ABR: variants seen among roughly 807,000 people sequenced by gnomAD.
The protein encoded by ABR is active breakpoint cluster region-related protein.
Under a neutral mutation model 107.2 loss-of-function variants are expected in ABR, and 35 were observed. That is an observed-to-expected ratio of 0.33 (90% CI 0.25 to 0.43). ABR has a LOEUF of 0.43. Ranked by LOEUF, ABR falls within the 20% of genes least tolerant of loss-of-function variation. The pLI is 1.00. For missense variants in ABR, 815 were observed against 1,115.2 expected, an observed-to-expected ratio of 0.73 and a Z score of 3.83; for synonymous variants, 498 against 462.0, an observed-to-expected ratio of 1.08 and a Z score of -1.00.
rs1018205208 is a variant in ABR, at chr17:1,050,685, G to A, written c.1562-51C>T. ...ACTGAGTGAGTGGGGCCAGGGTGGGGCAGCTGGGGCGGCACTCAGGATGGA... is the reference window on the plus strand; with the variant it reads ...ACTGAGTGAGTGGGGCCAGGGTGGGACAGCTGGGGCGGCACTCAGGATGGA... On this transcript the variant is annotated intron_variant, in intron 14 of 22. Transcript: ENST00000302538. The surrounding 1 kb of genome is among the most constrained non-coding windows in gnomAD (Gnocchi z 4.6). 1.3e-6 allele frequency: 2 copies of A among 1,487,718 alleles called. No homozygotes were observed. Among genetic ancestry groups the A allele is most frequent in the East Asian group, 2.3e-5 (1 of 44,036 alleles). 92.2% of individuals were successfully genotyped at this position (1,487,718 alleles called of 1,614,324 possible). A position where few individuals can be genotyped will look rare whatever the true frequency, so the allele number is the denominator to read the frequency against.
chr17:1,177,777 TGCAA>T (rs1293725404), intron 1 of ABR: 1 of 152,312 alleles, frequency 6.6e-6, no homozygotes, highest in East Asian at 1.9e-4. Context: ...GACGGCTGTT[TGCAA>T]GCACACAGCT....
Position 1,157,297 on chromosome 17 carries a change from C to G in ABR, c.61+22370G>C, listed in dbSNP as rs996186692. Among the ~76,000 whole-genome samples the G allele has an allele frequency of 6.7e-6, 1 of 148,692 alleles. No individual in the cohort carries two copies. Among genetic ancestry groups the G allele is most frequent in the African/African-American group, 2.5e-5 (1 of 40,146 alleles). On this transcript the variant is annotated intron_variant, in intron 1 of 22. Coordinates refer to ENST00000302538, the MANE Select transcript of ABR (RefSeq NM_021962.5). The surrounding 1 kb of genome is among the most constrained non-coding windows in gnomAD (Gnocchi z 4.7). ...ATGAAGTCTCACTCTGTCGCCCAGG[C>G]TGGAGTGCAAAGGTGCAACCTTAGC...
At chr17:1,111,524 T>C (rs61320926) in intron 2 of ABR, among the ~76,000 whole-genome samples, 2,632 of 152,240 alleles carry the variant, frequency 0.017, 88 homozygotes, top group African/African-American at 0.059. Flanking sequence ...TGGCTCCTAA[T>C]GTTCTCCATA....
At chr17:1,202,543 T>C (rs1351910471) in intron 1 of ABR, among the ~76,000 whole-genome samples, 1 of 152,118 alleles carries the variant, frequency 6.6e-6, no homozygotes, top group African/African-American at 2.4e-5. Flanking sequence ...GTATTTCCCC[T>C]ATGGACAAAG....
chr17:1,020,697 G>A (rs2071557077), intron 16 of ABR, among the ~76,000 whole-genome samples: 1 of 152,206 alleles, frequency 6.6e-6, no homozygotes, highest in African/African-American at 2.4e-5. Context: ...TGGCCCCGCA[G>A]CGGGGAGAGG....
chr17:1,192,321 G>A (rs1238731924), upstream of ABR, among the ~76,000 whole-genome samples: 1 of 152,108 alleles, frequency 6.6e-6, no homozygotes, highest in Non-Finnish European at 1.5e-5. Context: ...GAGCCCTACT[G>A]TATAAACCAG....
chr17:1,104,036 G>A (rs2038085056), intron 2 of ABR, among the ~76,000 whole-genome samples: 1 of 150,490 alleles, frequency 6.6e-6, no homozygotes, highest in Non-Finnish European at 1.5e-5. Context: ...CTGGGAATAC[G>A]AAGGTGAAGG....
At chr17:1,055,901 G>A (rs1346251658) in intron 14 of ABR, 134 bp downstream of exon 14, 5 of 794,258 alleles carry the variant, frequency 6.3e-6, no homozygotes, top group East Asian at 2.7e-5. Flanking sequence ...TGACCTCCCT[G>A]CCAAGAGGAG....
chr17:1,125,928 C>T (rs2039580050), intron 1 of ABR, among the ~76,000 whole-genome samples: 1 of 152,300 alleles, frequency 6.6e-6, no homozygotes, highest in Non-Finnish European at 1.5e-5. Context: ...GAGCCCAAGG[C>T]AGCAGGGCGT....
intron 2 of ABR, among the ~76,000 whole-genome samples, chr17:1,106,973 GTGTT>G (rs1452752058): frequency 2.6e-5 from 4 of 152,240 alleles, no homozygotes; most frequent in African/African-American, 4.8e-5. Flanking sequence ...TAACCTGAGA[GTGTT>G]TGTTGAATGA....
At chr17:1,058,545 G>A (rs987226204) in intron 11 of ABR, among the ~76,000 whole-genome samples, 200 bp downstream of exon 11, 13 of 152,158 alleles carry the variant, frequency 8.5e-5, no homozygotes, top group Admixed American at 3.3e-4. Context: ...TGACAGGAGC[G>A]GCTGTGCCAG....
intron 16 of ABR, among the ~76,000 whole-genome samples, chr17:1,015,250 C>A (rs1370865153): frequency 2.6e-5 from 4 of 151,638 alleles, no homozygotes; most frequent in African/African-American, 9.7e-5. Context: ...AACCCTGTCT[C>A]TACTAAAAAT....
chr17:1,224,178 C>T, intron 1 of ABR, among the ~76,000 whole-genome samples: 1 of 152,084 alleles, frequency 6.6e-6, no homozygotes, highest in East Asian at 1.9e-4. Context: ...CACCACCCAA[C>T]ACAGCTGATC....
intron 1 of ABR, among the ~76,000 whole-genome samples, chr17:1,227,146 G>A (rs1038178837): frequency 2.6e-5 from 4 of 152,188 alleles, no homozygotes; most frequent in African/African-American, 9.7e-5. Flanking sequence ...AGCATCTTTT[G>A]CAATTCCCAG....
At chr17:1,077,291 T>G (rs1293222728) in intron 6 of ABR, among the ~76,000 whole-genome samples, 1 of 152,118 alleles carries the variant, frequency 6.6e-6, no homozygotes, top group African/African-American at 2.4e-5. Context: ...ATTCCCCACT[T>G]TGAAGCCGAC....
At chr17:1,130,061 C>T (rs944182260) in intron 1 of ABR, among the ~76,000 whole-genome samples, 1 of 152,168 alleles carries the variant, frequency 6.6e-6, no homozygotes, top group Non-Finnish European at 1.5e-5. Context: ...TCACTGGGAA[C>T]GTTAGACAGC....
intron 16 of ABR, among the ~76,000 whole-genome samples, chr17:1,025,883 C>T (rs74469875): frequency 0.049 from 7,434 of 152,226 alleles, 541 homozygotes; most frequent in African/African-American, 0.16. Context: ...GAAGGTGCTC[C>T]GGCAATACTC....
chr17:1,046,478 C>T (rs1256002896), intron 16 of ABR, among the ~76,000 whole-genome samples: 1 of 152,234 alleles, frequency 6.6e-6, no homozygotes, highest in Non-Finnish European at 1.5e-5. Flanking sequence ...GCCATGTTGG[C>T]CAGGCTGGTC....
chr17:1,218,080 C>T (rs2043048329), intron 1 of ABR, among the ~76,000 whole-genome samples: 1 of 152,232 alleles, frequency 6.6e-6, no homozygotes, highest in South Asian at 2.1e-4. Context: ...TCCGCTACCT[C>T]GGACAGCATG....
Sources: gnomAD v4.1 joint callset for allele counts (sites outside exome capture counted in the v4.1 genomes callset) on GRCh38, gnomAD v4.1.1 for gene constraint, Gnocchi (gnomAD v3.1) non-coding constraint, MANE v1.5 for transcripts, NCBI Gene and HGNC (gene_info 2026-07-23, HGNC 2026-07-21) for gene names.